Variants in CAMTA1 observed in about 807,000 individuals in gnomAD.
CAMTA1 encodes the protein calmodulin-binding transcription activator 1.
Under a neutral mutation model 170.9 loss-of-function variants are expected in CAMTA1, and 27 were observed. That is an observed-to-expected ratio of 0.16 (90% CI 0.12 to 0.22). The LOEUF is 0.22. Among genes scored for constraint, CAMTA1 ranks in the 10% least tolerant of loss-of-function variants. The pLI is 1.00. For missense variants in CAMTA1, 1,619 were observed against 2,217.2 expected (o/e 0.73, Z 5.42); for synonymous variants, 833 against 891.5 (o/e 0.93, Z 1.17).
intron 3 of CAMTA1, among the ~76,000 whole-genome samples, chr1:7,088,282 G>T (rs1267604468): frequency 6.6e-6 from 1 of 152,116 alleles, no homozygotes; most frequent in Non-Finnish European, 1.5e-5. Context: ...AGGGAGTGGC[G>T]GGTGATGTAG....
intron 3 of CAMTA1, among the ~76,000 whole-genome samples, chr1:7,046,895 G>A (rs1428252491): frequency 6.6e-6 from 1 of 152,192 alleles, no homozygotes; most frequent in Non-Finnish European, 1.5e-5. Flanking sequence ...CATCACAACT[G>A]CTGCCGGAGT....
rs1271935294 is a variant in CAMTA1 at position 7,003,607 on chromosome 1, C to A, written c.235-87697C>A. 2.2e-5 allele frequency among the ~76,000 whole-genome samples: 3 copies of A among 138,070 alleles called. No homozygotes were observed. The East Asian group carries it at 6.4e-4, about 30-fold the overall frequency. 90.6% of individuals were successfully genotyped at this position (138,070 alleles called of 152,430 possible). On this transcript the variant is annotated intron_variant, in intron 3 of 22. Transcript: ENST00000303635. ...TGGACTTTATTATTATGGTCTGGAG[C>A]AGCAAAACTAAAAAAGATAATCTCT... is the stretch of plus-strand genomic sequence containing the variant.
intron 3 of CAMTA1, among the ~76,000 whole-genome samples, chr1:6,923,154 AG>A (rs1192131308): frequency 2.0e-5 from 3 of 152,186 alleles, no homozygotes; most frequent in Non-Finnish European, 4.4e-5. Context: ...TTCATCAGAA[AG>A]CAGCCTCCCA....
At chr1:6,888,053 A>G in intron 3 of CAMTA1, 1 of 1,086,200 alleles carries the variant, frequency 9.2e-7, no homozygotes, top group South Asian at 2.6e-5. Flanking sequence ...CACCTGCCCC[A>G]GCGGTGGTAT....
chr1:7,470,096 C>T lies in CAMTA1; in HGVS notation c.510+2195C>T, dbSNP rs570429581. 9.8e-5 allele frequency among the ~76,000 whole-genome samples: 15 copies of T among 152,352 alleles called. No individual in the cohort carries two copies. In the South Asian group the frequency reaches 2.9e-3, roughly 29 times the overall value. On this transcript the variant is annotated intron_variant, in intron 6 of 22. Transcript: ENST00000303635. ...AGCTGGGGCCTCTTCATCTTCTCTG[C>T]CCAAGCCTGGGGGAGCCATCCCTCC...
At chr1:7,238,587 A>C (rs1664309237) in intron 4 of CAMTA1, among the ~76,000 whole-genome samples, 1 of 152,228 alleles carries the variant, frequency 6.6e-6, no homozygotes, top group Non-Finnish European at 1.5e-5. Context: ...TGTTCAGTTA[A>C]TATTTACTGA....
chr1:6,879,754 G>T (rs984945362), intron 3 of CAMTA1, among the ~76,000 whole-genome samples: 2 of 150,854 alleles, frequency 1.3e-5, no homozygotes, highest in African/African-American at 4.9e-5. Context: ...TCAACCTCCC[G>T]AGTAGCTGGG....
intron 3 of CAMTA1, among the ~76,000 whole-genome samples, chr1:6,890,440 T>C (rs1674254896): frequency 6.6e-6 from 1 of 152,164 alleles, no homozygotes; most frequent in African/African-American, 2.4e-5. Flanking sequence ...CTGATGGCCT[T>C]TGAGTGACTG....
intron 4 of CAMTA1, among the ~76,000 whole-genome samples, chr1:7,194,601 C>G (rs1042907295): frequency 3.3e-5 from 5 of 152,098 alleles, no homozygotes; most frequent in African/African-American, 9.7e-5. Flanking sequence ...TTGTGGTGAG[C>G]GTTACATCCT....
Position 7,205,583 on chromosome 1 carries a change from A to G in CAMTA1, c.303-43908A>G, listed in dbSNP as rs186397816. ...CTCTTGCAACATTTTTTTAAAGTCTATTGTATCTGACATGGTATAACAACT... is the reference window on the plus strand; with the variant it reads ...CTCTTGCAACATTTTTTTAAAGTCTGTTGTATCTGACATGGTATAACAACT... On this transcript the variant is annotated intron_variant, in intron 4 of 22. Transcript: ENST00000303635. 5.0e-3 allele frequency among the ~76,000 whole-genome samples: 762 copies of G among 152,222 alleles called. 15 individuals are homozygous for G. The highest frequency in any genetic ancestry group is 0.039 in the Admixed American group (592 of 15,274).
intron 3 of CAMTA1, among the ~76,000 whole-genome samples, chr1:6,829,484 C>T (rs925457464): frequency 2.0e-5 from 3 of 152,312 alleles, no homozygotes; most frequent in South Asian, 4.1e-4. Context: ...TACTGGTCCT[C>T]AGGTGGTAAA....
At chr1:7,631,009 T>C (rs539836804) in intron 6 of CAMTA1, among the ~76,000 whole-genome samples, 5 of 152,334 alleles carry the variant, frequency 3.3e-5, no homozygotes, top group Non-Finnish European at 5.9e-5. Flanking sequence ...TTTGGGGACC[T>C]AGATCTGTAC....
At chr1:7,194,607 A>C (rs118070792) in intron 4 of CAMTA1, among the ~76,000 whole-genome samples, 1 of 152,204 alleles carries the variant, frequency 6.6e-6, no homozygotes, top group Non-Finnish European at 1.5e-5. Context: ...TGAGCGTTAC[A>C]TCCTGCTGTT....
intron 3 of CAMTA1, among the ~76,000 whole-genome samples, chr1:6,879,639 G>A (rs1361118149): frequency 6.8e-6 from 1 of 146,050 alleles, no homozygotes; most frequent in East Asian, 2.0e-4. Flanking sequence ...TTGAGACAAG[G>A]TTCTTGCTCT....
At chr1:7,518,254 A>G (rs1161871436) in intron 6 of CAMTA1, among the ~76,000 whole-genome samples, 2 of 151,994 alleles carry the variant, frequency 1.3e-5, no homozygotes, top group Admixed American at 1.3e-4. Flanking sequence ...GGATTCCCAG[A>G]CTTCTAGAAG....
At chr1:7,578,330 C>T (rs932926449) in intron 6 of CAMTA1, among the ~76,000 whole-genome samples, 5 of 152,174 alleles carry the variant, frequency 3.3e-5, no homozygotes, top group Non-Finnish European at 7.3e-5. Flanking sequence ...AAAGAGAAAG[C>T]CGAGGCCCTG....
rs557592890 is a variant in CAMTA1, at chr1:7,736,744, T to C, written c.3264-187T>C. ...ACCCAGAGAGATAAGAATTAAATGT[T>C]GGACTTGTCATTTTCTTTGGACCCC... On this transcript the variant is annotated intron_variant, in intron 13 of 22. Coordinates refer to ENST00000303635, the MANE Select transcript of CAMTA1 (RefSeq NM_015215.4). The surrounding 1 kb of genome is among the most constrained non-coding windows in gnomAD (Gnocchi z 4.5). Among the ~76,000 whole-genome samples the C allele has an allele frequency of 6.6e-6, 1 of 152,324 alleles. No individual in the cohort carries two copies. Among genetic ancestry groups the C allele is most frequent in the South Asian group, 2.1e-4 (1 of 4,826 alleles).
In CAMTA1 at chr1:6,934,707, C is replaced by T. The variant is rs557399010; in HGVS notation, c.234+109497C>T. On this transcript the variant is annotated intron_variant, in intron 3 of 22. Coordinates refer to ENST00000303635, the MANE Select transcript of CAMTA1 (RefSeq NM_015215.4). The surrounding 1 kb of genome is among the most constrained non-coding windows in gnomAD (Gnocchi z 4.5). ...CCCCTCCCCTCTCTCCCCTCTTATG[C>T]CCGCACCATGGCTTTACCTAGCCCT... Among the ~76,000 whole-genome samples, 2 of 152,128 alleles carry T rather than the reference C, an allele frequency of 1.3e-5. No homozygotes were observed. Among genetic ancestry groups the T allele is most frequent in the East Asian group, 3.9e-4 (2 of 5,152 alleles).
At chr1:7,439,082 TG>T (rs1282078860) in intron 5 of CAMTA1, among the ~76,000 whole-genome samples, 1 of 152,100 alleles carries the variant, frequency 6.6e-6, no homozygotes. Flanking sequence ...AGGTGGTCGG[TG>T]GGGGGCTGCA....
Sources: allele counts gnomAD v4.1 joint callset (sites outside exome capture counted in the v4.1 genomes callset), GRCh38; gene constraint gnomAD v4.1.1; non-coding constraint Gnocchi (gnomAD v3.1); transcripts MANE v1.5; gene names NCBI Gene and HGNC (gene_info 2026-07-23, HGNC 2026-07-21).